Variants in FBXW11 observed in about 807,000 individuals in gnomAD.
FBXW11 encodes F-box/WD repeat-containing protein 11.
A neutral mutation model predicts 77.6 loss-of-function variants in FBXW11; 19 were observed. The ratio of observed to expected loss-of-function variants is 0.24; its 90% CI spans 0.17 to 0.36. The LOEUF (loss-of-function observed/expected upper bound fraction) is 0.36, where lower values mean the gene tolerates loss of function less well. FBXW11 is among the 10% of genes least tolerant of loss of function. The pLI is 1.00. For missense variants in FBXW11, 334 were observed against 704.2 expected (o/e 0.47, Z 5.95); for synonymous variants, 235 against 249.4 (o/e 0.94, Z 0.54).
intron 2 of FBXW11, among the ~76,000 whole-genome samples, chr5:171,918,546 T>C (rs1472543014): frequency 6.6e-6 from 1 of 152,162 alleles, no homozygotes; most frequent in Non-Finnish European, 1.5e-5. Flanking sequence ...TTATTTGAAA[T>C]ACCAACCAGT....
intron 2 of FBXW11, among the ~76,000 whole-genome samples, chr5:171,945,078 A>G (rs1371981837): frequency 6.6e-6 from 1 of 152,234 alleles, no homozygotes; most frequent in South Asian, 2.1e-4. Context: ...GGGGGAAAAG[A>G]CAACAGACAG....
At chr5:171,998,209 A>C (rs1207054845) in intron 1 of FBXW11, among the ~76,000 whole-genome samples, 7 of 152,122 alleles carry the variant, frequency 4.6e-5, no homozygotes, top group African/African-American at 1.7e-4. Flanking sequence ...AGAAGAGTAA[A>C]TATTTCAGCC....
chr5:171,976,115 G>C (rs1764815724), intron 1 of FBXW11, among the ~76,000 whole-genome samples: 1 of 152,124 alleles, frequency 6.6e-6, no homozygotes, highest in Non-Finnish European at 1.5e-5. Context: ...TTAAGGCCAT[G>C]ACAACTCCTT....
rs1760346983 is a variant in FBXW11 at position 171,904,540 on chromosome 5, GT to G, written c.437-4441del. 1.3e-5 allele frequency among the ~76,000 whole-genome samples: 2 copies of G among 151,996 alleles called. No homozygotes were observed. Among genetic ancestry groups the G allele is most frequent in the Non-Finnish European group, 2.9e-5 (2 of 67,982 alleles). On this transcript the variant is annotated intron_variant, in intron 4 of 13. Coordinates refer to ENST00000517395, the MANE Select transcript of FBXW11 (RefSeq NM_001378974.1). This position sits in a 1 kb window ranked among gnomAD's most constrained non-coding sequence, Gnocchi z 4.0. ...CCTACAAAATCAGAATCTCTAGACG[GT>G]AAGGCCCAGGAATCTGGGTGTGGTT...
At chr5:171,989,125 T>C (rs567591668) in intron 1 of FBXW11, among the ~76,000 whole-genome samples, 3 of 152,072 alleles carry the variant, frequency 2.0e-5, no homozygotes, top group African/African-American at 4.8e-5. Flanking sequence ...TGCAGTGAAC[T>C]GAAATTGCAC....
At chr5:171,976,779 G>A (rs779318983) in intron 1 of FBXW11, among the ~76,000 whole-genome samples, 5 of 151,888 alleles carry the variant, frequency 3.3e-5, no homozygotes, top group Admixed American at 6.6e-5. Flanking sequence ...GGGTGTGGTC[G>A]TTCACGCCTG....
At chr5:171,984,775 A>G (rs1259160548) in intron 1 of FBXW11, among the ~76,000 whole-genome samples, 2 of 152,218 alleles carry the variant, frequency 1.3e-5, no homozygotes, top group Admixed American at 6.5e-5. Context: ...AATTATAGAA[A>G]AAAAGAATCG....
chr5:171,961,005 A>C (rs1026627457), intron 1 of FBXW11, among the ~76,000 whole-genome samples: 4 of 152,216 alleles, frequency 2.6e-5, no homozygotes, highest in African/African-American at 9.7e-5. Context: ...GCCAGTATTT[A>C]TTAGATGCTG....
chr5:171,885,200 G>C (rs569643919), intron 7 of FBXW11, among the ~76,000 whole-genome samples: 1 of 152,292 alleles, frequency 6.6e-6, no homozygotes, highest in East Asian at 1.9e-4. Flanking sequence ...GAATAACCTA[G>C]TATAGTTTTA....
At chr5:171,987,597 AC>A (rs371953539) in intron 1 of FBXW11, among the ~76,000 whole-genome samples, 3,686 of 152,004 alleles carry the variant, frequency 0.024, 82 homozygotes, top group African/African-American at 0.058. Context: ...GATTACAGGC[AC>A]CCACTACCAT....
chr5:171,900,129 C>A lies in FBXW11; in HGVS notation c.437-29G>T, dbSNP rs377051881. The A allele has an allele frequency of 5.8e-6, 9 of 1,557,150 alleles. No homozygotes were observed. In the South Asian group the frequency reaches 6.0e-5, roughly 10 times the overall value. On this transcript the variant is annotated intron_variant, in intron 4 of 13. Coordinates refer to ENST00000517395, the MANE Select transcript of FBXW11 (RefSeq NM_001378974.1). ...CAAAACAGAAAAGGGAATGAAGGAACGGGAAGAGAGATAGAAAGGTACCAG... is the reference window on the plus strand; with the variant it reads ...CAAAACAGAAAAGGGAATGAAGGAAAGGGAAGAGAGATAGAAAGGTACCAG...
chr5:171,999,095 A>C (rs1475376221), intron 1 of FBXW11, among the ~76,000 whole-genome samples: 1 of 152,190 alleles, frequency 6.6e-6, no homozygotes, highest in Non-Finnish European at 1.5e-5. Context: ...GAGATCACAA[A>C]AGTAAAATCC....
intron 6 of FBXW11, among the ~76,000 whole-genome samples, chr5:171,897,225 T>A (rs925927846): frequency 2.6e-5 from 4 of 152,246 alleles, no homozygotes; most frequent in Admixed American, 2.6e-4. Flanking sequence ...TAACAAAGTA[T>A]CTGGCATAAG....
intron 7 of FBXW11, among the ~76,000 whole-genome samples, chr5:171,880,352 A>G (rs1019543529): frequency 1.3e-5 from 2 of 152,218 alleles, no homozygotes; most frequent in Non-Finnish European, 2.9e-5. Flanking sequence ...GCAGTTTTAC[A>G]GTAATTCTTC....
chr5:171,937,837 CAAA>C (rs893848306), intron 2 of FBXW11, among the ~76,000 whole-genome samples: 1 of 57,766 alleles, frequency 1.7e-5, no homozygotes, highest in Non-Finnish European at 4.2e-5. Flanking sequence ...CAAAAAAAAG[CAAA>C]AAAAAAAAAA....
chr5:171,878,553 A>AGTGTGTGTGGGT (rs34933781), intron 7 of FBXW11, among the ~76,000 whole-genome samples: 1 of 105,394 alleles, frequency 9.5e-6, no homozygotes, highest in African/African-American at 3.6e-5. Context: ...TCTCCATAAG[A>AGTGTGTGTGGGT]GTGTGTGAGT....
rs190371882 is a variant in FBXW11 at position 171,971,769 on chromosome 5, G to A, written c.46-14071C>T. Among the ~76,000 whole-genome samples the A allele has an allele frequency of 1.3e-4, 20 of 152,342 alleles. No homozygotes were observed. The East Asian group carries it at 3.9e-3, about 29-fold the overall frequency. On this transcript the variant is annotated intron_variant, in intron 1 of 13. Coordinates refer to ENST00000517395, the MANE Select transcript of FBXW11 (RefSeq NM_001378974.1). ...AGGCCAAGGAGGGTGGACTGCTTGA[G>A]CACAGGAGTTCAACACCAGCTTGGG... is the stretch of plus-strand genomic sequence containing the variant.
At chr5:171,946,965 C>T (rs1239664692) in intron 2 of FBXW11, among the ~76,000 whole-genome samples, 4 of 152,016 alleles carry the variant, frequency 2.6e-5, no homozygotes, top group Admixed American at 6.6e-5. Flanking sequence ...CAGGTGCCTG[C>T]CACCACGCCT....
At chr5:171,952,449 T>TATA (rs1561716455) in intron 2 of FBXW11, among the ~76,000 whole-genome samples, 2 of 10,936 alleles carry the variant, frequency 1.8e-4, no homozygotes, top group African/African-American at 3.1e-4. Context: ...ATATATATAT[T>TATA]TTTTTTTTTT....
Sources: gnomAD v4.1 joint callset for allele counts (sites outside exome capture counted in the v4.1 genomes callset) on GRCh38, gnomAD v4.1.1 for gene constraint, Gnocchi (gnomAD v3.1) non-coding constraint, MANE v1.5 for transcripts, NCBI Gene and HGNC (gene_info 2026-07-23, HGNC 2026-07-21) for gene names.